Variants in MINDY4 observed in about 807,000 individuals in gnomAD.
MINDY4 encodes probable ubiquitin carboxyl-terminal hydrolase MINDY-4.
Under a neutral mutation model 87.0 loss-of-function variants are expected in MINDY4, and 68 were observed. The observed-to-expected ratio is 0.78, with a 90% CI of 0.64 to 0.96. The LOEUF is 0.96. Ranked by LOEUF, MINDY4 falls within the 40% of genes least tolerant of loss-of-function variation. The pLI is 0.00. For synonymous variants in MINDY4, 379 were observed against 363.2 expected (o/e 1.04, Z -0.50); for missense variants, 919 against 928.2 (o/e 0.99, Z 0.13).
intron 15 of MINDY4, among the ~76,000 whole-genome samples, chr7:30,878,481 C>G (rs574925129): frequency 1.3e-5 from 2 of 152,330 alleles, no homozygotes; most frequent in East Asian, 3.9e-4. Flanking sequence ...ACCCCACCAG[C>G]TGGTCTTGCC....
intron 13 of MINDY4, among the ~76,000 whole-genome samples, chr7:30,866,694 G>A (rs1055900147): frequency 6.6e-6 from 1 of 152,212 alleles, no homozygotes; most frequent in Non-Finnish European, 1.5e-5. Flanking sequence ...TTGGCAGGCA[G>A]CAAGAACAAA....
intron 5 of MINDY4, among the ~76,000 whole-genome samples, chr7:30,812,063 T>C (rs941538753): frequency 6.6e-6 from 1 of 152,170 alleles, no homozygotes; most frequent in African/African-American, 2.4e-5. Context: ...AGGGCACGTG[T>C]ACCAGATGCA....
chr7:30,801,681 T>C (rs1020689917), intron 5 of MINDY4, among the ~76,000 whole-genome samples: 2 of 152,164 alleles, frequency 1.3e-5, no homozygotes, highest in Non-Finnish European at 2.9e-5. Context: ...CCTCCAAAAA[T>C]GGGGTTGATG....
chr7:30,872,091 C>T lies in MINDY4; in HGVS notation c.1746-152C>T, dbSNP rs774874159. On this transcript the variant is annotated intron_variant, in intron 13 of 17. Coordinates refer to ENST00000265299, the MANE Select transcript of MINDY4 (RefSeq NM_032222.3). ...ATCCCTTCTGGGTGGGAGCCTCCTC[C>T]GTGGAGGGCACAGAACAGAGCGCTC... 41 of 694,312 alleles carry T rather than the reference C, an allele frequency of 5.9e-5. 1 individual carries two copies. The highest frequency in any genetic ancestry group is 9.8e-5 in the Admixed American group (4 of 40,664). 43.0% of individuals were successfully genotyped at this position (694,312 alleles called of 1,614,324 possible).
chr7:30,802,502 C>G (rs1787684949), intron 5 of MINDY4, among the ~76,000 whole-genome samples: 1 of 151,946 alleles, frequency 6.6e-6, no homozygotes, highest in South Asian at 2.1e-4. Flanking sequence ...TTTTTGAGGC[C>G]TGGAATGGGG....
At chr7:30,870,380 ATTC>A (rs1790066179) in intron 13 of MINDY4, among the ~76,000 whole-genome samples, 2 of 152,172 alleles carry the variant, frequency 1.3e-5, no homozygotes, top group Admixed American at 1.3e-4. Context: ...ATTTCCATCA[ATTC>A]TTCTGCCTGA....
At position 30,791,397 on chromosome 7, in the gene MINDY4, C is replaced by T. The variant is rs1787318431; in HGVS notation, c.896C>T (p.Pro299Leu). 1 of 1,614,036 alleles carries T rather than the reference C, an allele frequency of 6.2e-7. No homozygotes were observed. Among genetic ancestry groups the T allele is most frequent in the East Asian group, 2.2e-5 (1 of 44,878 alleles). The change falls in exon 5 of 18, where the codon CCC becomes CTC. Residue 299 changes from proline to leucine, a missense_variant. Coordinates refer to ENST00000265299, the MANE Select transcript of MINDY4 (RefSeq NM_032222.3). ...SPPHLPSKRL[P>L]PWDRARPRDP... ...CCCCATCTGCCCAGCAAACGGCTGCCCCCATGGGACAGGGCCAGGCCGAGG... is the reference window on the plus strand; with the variant it reads ...CCCCATCTGCCCAGCAAACGGCTGCTCCCATGGGACAGGGCCAGGCCGAGG...
chr7:30,780,957 C>G (rs77361502), intron 2 of MINDY4: 1 of 152,116 alleles, frequency 6.6e-6, no homozygotes, highest in East Asian at 1.9e-4. Flanking sequence ...AAAACTGTCC[C>G]GGGTTTTGTC....
chr7:30,875,615 A>G lies in MINDY4; in HGVS notation c.1930A>G (p.Ile644Val), dbSNP rs759692312. ...LLRGIAARSD[I>V]GFLSLFEHYN... ...CAGAGGCATTGCTGCACGCAGTGAT[A>G]TTGGCTTCTTATCTCTCTTTGAGCA... Residue 644 changes from isoleucine to valine, a missense_variant, in exon 15 of 18, where the codon ATT becomes GTT. By Grantham distance (29) the Ile-to-Val change is conservative (BLOSUM62 3). Coordinates refer to ENST00000265299, the MANE Select transcript of MINDY4 (RefSeq NM_032222.3). 1.4e-5 allele frequency: 22 copies of G among 1,613,812 alleles called. No homozygotes were observed. In the Admixed American group the frequency reaches 3.2e-4, roughly 23 times the overall value.
At chr7:30,876,363 C>T (rs181482946) in intron 15 of MINDY4, among the ~76,000 whole-genome samples, 2 of 152,302 alleles carry the variant, frequency 1.3e-5, no homozygotes, top group Non-Finnish European at 2.9e-5. Context: ...CTAATTATGC[C>T]TGCAACAACC....
intron 8 of MINDY4, 107 bp from the exon 9 acceptor site, chr7:30,840,653 C>T (rs2128567325): frequency 1.2e-6 from 1 of 834,968 alleles, no homozygotes; most frequent in Non-Finnish European, 1.9e-6. Context: ...TTGCAGAAGG[C>T]AGGGCCCCTT....
chr7:30,862,849 G>A (rs1252966018), intron 13 of MINDY4, among the ~76,000 whole-genome samples: 1 of 152,184 alleles, frequency 6.6e-6, no homozygotes, highest in African/African-American at 2.4e-5. Flanking sequence ...TTAGTCTGGT[G>A]CTTTTTTAAA....
At chr7:30,852,647 G>C (rs1257209240) in intron 11 of MINDY4, among the ~76,000 whole-genome samples, 3 of 152,146 alleles carry the variant, frequency 2.0e-5, no homozygotes, top group Admixed American at 6.5e-5. Context: ...GTAAGGAGAG[G>C]GAGAGAAAGT....
chr7:30,840,640 C>T, intron 8 of MINDY4, 120 bp from the exon 9 acceptor site: 1 of 733,360 alleles, frequency 1.4e-6, no homozygotes, highest in Admixed American at 2.6e-5. Flanking sequence ...AGAGGCCCTT[C>T]TGTTGCAGAA....
At position 30,836,681 on chromosome 7, in the gene MINDY4, A is replaced by G; in HGVS notation, c.1156A>G (p.Arg386Gly). ...AGAGGATGTGGAGGATGAGTTGATA[A>G]GGGAAGAGGTCATCCTGTCGCCAGT... ...RLEDVEDELI[R>G]EEVILSPVPS... Residue 386 changes from arginine to glycine, a missense_variant, in exon 7 of 18, where the codon AGG becomes GGG. Arg to Gly is a moderately radical substitution (Grantham distance 125). Coordinates refer to ENST00000265299, the MANE Select transcript of MINDY4 (RefSeq NM_032222.3). 6.2e-7 allele frequency: 1 copy of G among 1,614,072 alleles called. No homozygotes were observed. The highest frequency in any genetic ancestry group is 8.5e-7 in the Non-Finnish European group (1 of 1,179,948).
chr7:30,847,019 G>A (rs1789241712), intron 9 of MINDY4, among the ~76,000 whole-genome samples: 1 of 152,120 alleles, frequency 6.6e-6, no homozygotes. Context: ...TGGGGGTTGG[G>A]AACTCCTGGG....
At chr7:30,817,303 A>G (rs1297148442) in intron 5 of MINDY4, among the ~76,000 whole-genome samples, 2 of 152,156 alleles carry the variant, frequency 1.3e-5, no homozygotes, top group East Asian at 1.9e-4. Context: ...GAAACCAAAG[A>G]AAAAAGGAGA....
At chr7:30,832,943 A>G (rs1788750438) in intron 6 of MINDY4, among the ~76,000 whole-genome samples, 1 of 152,048 alleles carries the variant, frequency 6.6e-6, no homozygotes, top group African/African-American at 2.4e-5. Context: ...CTTATGCTTA[A>G]TCTATATCTT....
chr7:30,796,224 C>T (rs1787484810), intron 5 of MINDY4, among the ~76,000 whole-genome samples: 1 of 152,030 alleles, frequency 6.6e-6, no homozygotes, highest in Non-Finnish European at 1.5e-5. Flanking sequence ...TTCACATTTC[C>T]CCCTGTCTCA....
Sources: gnomAD v4.1 joint callset for allele counts (sites outside exome capture counted in the v4.1 genomes callset) on GRCh38, gnomAD v4.1.1 for gene constraint, MANE v1.5 for transcripts, NCBI Gene and HGNC (gene_info 2026-07-23, HGNC 2026-07-21) for gene names.